EYS: variants seen among roughly 807,000 people sequenced by gnomAD.
The protein encoded by EYS is EGF-like photoreceptor maintenance factor.
Under a neutral mutation model 282.1 loss-of-function variants are expected in EYS, and 250 were observed. That is an observed-to-expected ratio of 0.89 (90% confidence interval 0.80 to 0.98). The LOEUF (loss-of-function observed/expected upper bound fraction) is 0.98, where lower values mean the gene tolerates loss of function less well. Ranked by LOEUF, EYS falls within the 50% of genes least tolerant of loss-of-function variation. The pLI, the probability that EYS is intolerant of heterozygous loss-of-function variation, is 0.00. For synonymous variants in EYS, 1,355 were observed against 1,282.9 expected, an observed-to-expected ratio of 1.06 and a Z score of -1.20; for missense variants, 4,016 against 3,709.0, an observed-to-expected ratio of 1.08 and a Z score of -2.15.
At chr6:64,311,529 A>G (rs1489577864) in intron 29 of EYS, among the ~76,000 whole-genome samples, 1 of 152,230 alleles carries the variant, frequency 6.6e-6, no homozygotes, top group Non-Finnish European at 1.5e-5. Flanking sequence ...CACTAGGAAT[A>G]TAATTCATGG....
chr6:64,899,470 C>A (rs925524422), intron 18 of EYS, among the ~76,000 whole-genome samples: 1 of 152,028 alleles, frequency 6.6e-6, no homozygotes, highest in Admixed American at 6.6e-5. Context: ...AAAACCTCAT[C>A]GTCTCAGCCC....
intron 2 of EYS, among the ~76,000 whole-genome samples, chr6:65,628,021 G>T (rs1378315022): frequency 1.3e-5 from 2 of 152,244 alleles, no homozygotes; most frequent in Non-Finnish European, 2.9e-5. Context: ...CTGGTGGGGA[G>T]GTGGAGAGTC....
At chr6:64,445,253 T>A (rs1167591656) in intron 26 of EYS, among the ~76,000 whole-genome samples, 1 of 152,130 alleles carries the variant, frequency 6.6e-6, no homozygotes, top group Non-Finnish European at 1.5e-5. Flanking sequence ...TTTAAACAGA[T>A]GAGAATAATG....
chr6:65,093,057 G>T (rs1002969382), intron 12 of EYS, among the ~76,000 whole-genome samples: 1 of 152,088 alleles, frequency 6.6e-6, no homozygotes, highest in South Asian at 2.1e-4. Context: ...AGAGAAAAGT[G>T]ACATCACATA....
At chr6:64,503,266 CAG>C (rs1777109999) in intron 26 of EYS, among the ~76,000 whole-genome samples, 1 of 152,022 alleles carries the variant, frequency 6.6e-6, no homozygotes, top group African/African-American at 2.4e-5. Context: ...AGTTCAAAGA[CAG>C]AGAGTCCTTG....
chr6:65,334,453 A>G (rs1302704103), intron 11 of EYS, among the ~76,000 whole-genome samples: 1 of 151,630 alleles, frequency 6.6e-6, no homozygotes, highest in Non-Finnish European at 1.5e-5. Context: ...AGTTTTTTGT[A>G]GAGACAAATT....
chr6:64,904,324 G>A (rs956905515), intron 16 of EYS, among the ~76,000 whole-genome samples: 24 of 152,090 alleles, frequency 1.6e-4, no homozygotes, highest in Non-Finnish European at 3.2e-4. Flanking sequence ...TCGTTCATAC[G>A]CTAGGTGTTG....
chr6:65,052,631 T>A (rs1773304885), intron 13 of EYS, among the ~76,000 whole-genome samples: 2 of 151,524 alleles, frequency 1.3e-5, no homozygotes, highest in South Asian at 2.1e-4. Context: ...AAGCATGAGG[T>A]TTTGTTCAGG....
intron 12 of EYS, among the ~76,000 whole-genome samples, chr6:65,223,970 T>TA (rs1200401336): frequency 3.3e-5 from 5 of 152,170 alleles, no homozygotes; most frequent in Admixed American, 2.6e-4. Flanking sequence ...AGGTAACTTG[T>TA]ACACGAGTGT....
At chr6:64,838,426 A>G (rs535688950) in intron 19 of EYS, among the ~76,000 whole-genome samples, 160 of 152,006 alleles carry the variant, frequency 1.1e-3, no homozygotes, top group Admixed American at 2.4e-3. Context: ...CTGGTTCTCT[A>G]TCTATTCTTT....
At chr6:64,058,849 ATTTAAAC>A (rs1771070949) in intron 33 of EYS, among the ~76,000 whole-genome samples, 1 of 152,230 alleles carries the variant, frequency 6.6e-6, no homozygotes, top group Admixed American at 6.5e-5. Flanking sequence ...CACAAAAATA[ATTTAAAC>A]TTCCTCAATA....
chr6:64,766,685 A>G (rs866851184), intron 22 of EYS, among the ~76,000 whole-genome samples: 2 of 48,296 alleles, frequency 4.1e-5, no homozygotes, highest in African/African-American at 5.9e-5. Flanking sequence ...TATATATATA[A>G]AATCTAACAA....
chr6:64,960,698 T>C (rs1168142547), intron 14 of EYS, among the ~76,000 whole-genome samples: 2 of 152,144 alleles, frequency 1.3e-5, no homozygotes, highest in African/African-American at 4.8e-5. Flanking sequence ...GTTTGTTCCA[T>C]AGATAAACTT....
chr6:63,729,756 ATC>A (rs1443883547), intron 41 of EYS, among the ~76,000 whole-genome samples: 1 of 151,968 alleles, frequency 6.6e-6, no homozygotes, highest in Non-Finnish European at 1.5e-5. Context: ...TTCCCACCCT[ATC>A]TCTCTAGCTT....
intron 7 of EYS, among the ~76,000 whole-genome samples, chr6:65,394,135 A>T (rs533584583): frequency 2.0e-5 from 3 of 152,032 alleles, no homozygotes; most frequent in African/African-American, 7.2e-5. Flanking sequence ...TCATTTCCTC[A>T]TTTTACTCTA....
At chr6:64,699,184 G>A (rs757386283) in intron 22 of EYS, among the ~76,000 whole-genome samples, 8 of 152,136 alleles carry the variant, frequency 5.3e-5, no homozygotes, top group Admixed American at 2.0e-4. Context: ...AACATGGGTG[G>A]AGCTGGAGGC....
Position 63,721,151 on chromosome 6 carries a change from C to T in EYS, c.8880G>A (p.Met2960Ile). The change falls in exon 43 of 43, where the codon ATG becomes ATA. Residue 2960 changes from methionine (M) to isoleucine (I), a missense_variant. Transcript: ENST00000503581. ...NKTSFSTAKFMGNSYIKYIDP... is the reference protein window; with the variant it reads ...NKTSFSTAKFIGNSYIKYIDP... ...CAATGTATTTAATGTAAGAATTACC[C>T]ATAAATTTTGCAGTTGAAAATGAAG... 1.9e-6 allele frequency: 3 copies of T among 1,551,440 alleles called. No homozygotes were observed. The highest frequency in any genetic ancestry group is 1.4e-5 in the African/African-American group (1 of 73,142).
intron 1 of EYS, among the ~76,000 whole-genome samples, chr6:65,661,049 G>T (rs934665156): frequency 6.6e-6 from 1 of 151,778 alleles, no homozygotes; most frequent in Non-Finnish European, 1.5e-5. Context: ...AAATAACTCG[G>T]TCTATAAGTG....
At position 64,775,571 on chromosome 6, in the gene EYS, C is replaced by T. The variant is rs1773654220; in HGVS notation, c.3443+37807G>A. On this transcript the variant is annotated intron_variant, in intron 22 of 42. Transcript: ENST00000503581. ...GATTATAGGAAAAAATCAAACATTT[C>T]ATGTTAATCCTCTTTTCTGTCATAC... 2.0e-5 allele frequency among the ~76,000 whole-genome samples: 3 copies of T among 151,972 alleles called. No homozygotes were observed. The South Asian group carries it at 6.2e-4, about 32-fold the overall frequency.
Sources: gnomAD v4.1 joint callset for allele counts (sites outside exome capture counted in the v4.1 genomes callset) on GRCh38, gnomAD v4.1.1 for gene constraint, MANE v1.5 for transcripts, NCBI Gene and HGNC (gene_info 2026-07-23, HGNC 2026-07-21) for gene names.